Variants in CDH13 observed in about 807,000 individuals in gnomAD.
The protein encoded by CDH13 is cadherin 13, also known as cadherin-13.
A neutral mutation model predicts 63.8 loss-of-function variants in CDH13; 24 were observed. The observed-to-expected ratio is 0.38, with a 90% CI of 0.27 to 0.53. The LOEUF (loss-of-function observed/expected upper bound fraction) is 0.53. Ranked by LOEUF, CDH13 falls within the 20% of genes least tolerant of loss-of-function variation. The probability of loss-of-function intolerance (pLI) is 0.85; values close to 1 mark genes in which losing one functional copy is unlikely to be tolerated. For missense variants in CDH13, 1,049 were observed against 903.1 expected (o/e 1.16, Z -2.07); for synonymous variants, 503 against 355.3 (o/e 1.42, Z -4.67).
At chr16:83,738,220 C>G (rs566548676) in intron 10 of CDH13, among the ~76,000 whole-genome samples, 1 of 152,198 alleles carries the variant, frequency 6.6e-6, no homozygotes, top group African/African-American at 2.4e-5. Context: ...GTTCCAAAAA[C>G]TGGAGGGAAT....
At chr16:82,901,683 AAC>A (rs2041475560) in intron 2 of CDH13, among the ~76,000 whole-genome samples, 1 of 152,208 alleles carries the variant, frequency 6.6e-6, no homozygotes, top group Non-Finnish European at 1.5e-5. Context: ...ATAACTGATA[AAC>A]ACTTACAGGG....
chr16:83,109,537 A>T (rs2034958597), intron 3 of CDH13, among the ~76,000 whole-genome samples: 1 of 151,078 alleles, frequency 6.6e-6, no homozygotes, highest in Non-Finnish European at 1.5e-5. Context: ...ATTGAAAATA[A>T]TTCTTTTTCC....
chr16:83,670,385 G>A (rs996919931), intron 8 of CDH13, among the ~76,000 whole-genome samples: 7 of 130,708 alleles, frequency 5.4e-5, no homozygotes, highest in African/African-American at 2.4e-4. Flanking sequence ...TGGCCACCAG[G>A]TTGCTCCCCT....
chr16:82,657,200 T>C (rs1377645914), intron 1 of CDH13, among the ~76,000 whole-genome samples: 1 of 152,186 alleles, frequency 6.6e-6, no homozygotes, highest in Admixed American at 6.5e-5. Context: ...ATACCTGTGA[T>C]AAAGTTTAAT....
At chr16:83,694,340 A>G (rs1481049909) in intron 10 of CDH13, among the ~76,000 whole-genome samples, 2 of 152,132 alleles carry the variant, frequency 1.3e-5, no homozygotes, top group African/African-American at 4.8e-5. Flanking sequence ...GCAGTGGGAG[A>G]GAATGGGAGT....
At position 82,704,653 on chromosome 16, in the gene CDH13, C is replaced by T. The variant is rs191346916; in HGVS notation, c.45+77516C>T. Among the ~76,000 whole-genome samples the T allele has an allele frequency of 1.6e-3, 239 of 152,204 alleles. 1 individual carries two copies. The highest frequency in any genetic ancestry group is 4.1e-3 in the African/African-American group (170 of 41,514). ...GGGTCCTTTTCCTGGCCTGGGGGGT[C>T]CAGGAAGGTTTCCCAGAGGAAGAAG... On this transcript the variant is annotated intron_variant, in intron 1 of 13. Transcript: ENST00000567109.
At chr16:82,683,556 C>G (rs761722379) in intron 1 of CDH13, among the ~76,000 whole-genome samples, 1 of 152,180 alleles carries the variant, frequency 6.6e-6, no homozygotes, top group Admixed American at 6.5e-5. Context: ...GTCAAGCACA[C>G]AAATATAGTT....
Position 82,804,275 on chromosome 16 carries a change from C to G in CDH13, c.46-54087C>G, listed in dbSNP as rs538018583. Among the ~76,000 whole-genome samples, 572 of 80,540 alleles carry G rather than the reference C, an allele frequency of 7.1e-3. 7 individuals are homozygous for G. Among genetic ancestry groups the G allele is most frequent in the African/African-American group, 0.036 (539 of 14,998 alleles). The allele number at this position is 80,540 out of a possible 152,430, so 52.8% of individuals were successfully genotyped here. A position where few individuals can be genotyped will look rare whatever the true frequency, so the allele number is the denominator to read the frequency against. ...TTAGATCTCAGGTTAGGGGATCTTG[C>G]TACACACACACACACACACACACAC... On this transcript the variant is annotated intron_variant, in intron 1 of 13. Transcript: ENST00000567109.
intron 6 of CDH13, among the ~76,000 whole-genome samples, chr16:83,439,004 A>G (rs2151492743): frequency 6.6e-6 from 1 of 152,200 alleles, no homozygotes; most frequent in South Asian, 2.1e-4. Flanking sequence ...GGAAAGGGAG[A>G]AAAAAAAGAA....
rs1293369269 is a variant in CDH13, at chr16:83,636,687, T to C, written c.1101+34093T>C. 3.3e-5 allele frequency among the ~76,000 whole-genome samples: 5 copies of C among 152,328 alleles called. No individual in the cohort carries two copies. The East Asian group carries it at 9.7e-4, about 29-fold the overall frequency. ...GATGGGCACCTGGGTTTGTTGCATG[T>C]CTTTGCTGTTGTGTATAGTGCTGCA... On this transcript the variant is annotated intron_variant, in intron 8 of 13. Coordinates refer to ENST00000567109, the MANE Select transcript of CDH13 (RefSeq NM_001257.5).
chr16:82,995,390 C>T (rs990301868), intron 2 of CDH13, among the ~76,000 whole-genome samples: 3 of 152,202 alleles, frequency 2.0e-5, no homozygotes, highest in African/African-American at 7.2e-5. Flanking sequence ...GCACATTAAT[C>T]CATGCCTTTG....
chr16:83,458,120 C>T (rs1156610419), intron 6 of CDH13, among the ~76,000 whole-genome samples: 1 of 152,122 alleles, frequency 6.6e-6, no homozygotes, highest in Non-Finnish European at 1.5e-5. Context: ...TCCAAGAAAC[C>T]CCAGGGCTTT....
intron 5 of CDH13, among the ~76,000 whole-genome samples, chr16:83,260,195 T>A (rs999503652): frequency 7.9e-5 from 12 of 151,860 alleles, no homozygotes; most frequent in African/African-American, 2.9e-4. Flanking sequence ...TGGTGCTTTG[T>A]AGTTTCTCTT....
At chr16:83,308,738 G>A (rs1314890864) in intron 5 of CDH13, among the ~76,000 whole-genome samples, 2 of 152,210 alleles carry the variant, frequency 1.3e-5, no homozygotes, top group Non-Finnish European at 2.9e-5. Flanking sequence ...GTCTCCATAT[G>A]TGGGAAGTTC....
At chr16:83,216,795 T>C (rs1448614683) in intron 4 of CDH13, among the ~76,000 whole-genome samples, 4 of 150,586 alleles carry the variant, frequency 2.7e-5, no homozygotes, top group African/African-American at 9.7e-5. Context: ...GCCCCCTAAA[T>C]AGATGTGTGT....
In CDH13 at chr16:83,128,173, G is replaced by T. The variant is rs141293480; in HGVS notation, c.483+2672G>T. ...TGTCAGGGCTCCACCCTCAGAGATT[G>T]ATTCCACTGGGGTGGGGGTGAGGAC... On this transcript the variant is annotated intron_variant, in intron 4 of 13. Transcript: ENST00000567109. Among the ~76,000 whole-genome samples, 112 of 152,326 alleles carry T rather than the reference G, an allele frequency of 7.4e-4. 2 individuals carry two copies. In the East Asian group the frequency reaches 0.02, roughly 28 times the overall value.
At chr16:83,011,062 A>C (rs1914103058) in intron 2 of CDH13, among the ~76,000 whole-genome samples, 1 of 152,150 alleles carries the variant, frequency 6.6e-6, no homozygotes, top group Non-Finnish European at 1.5e-5. Context: ...ATGGTGTGGA[A>C]CGTTTCTTCT....
chr16:83,051,840 G>A (rs1036155734), intron 3 of CDH13, among the ~76,000 whole-genome samples: 2 of 152,194 alleles, frequency 1.3e-5, no homozygotes, highest in Non-Finnish European at 1.5e-5. Context: ...CGAAAACTTT[G>A]AGTCTGTTAC....
intron 11 of CDH13, among the ~76,000 whole-genome samples, chr16:83,755,368 T>C (rs1186482535): frequency 3.3e-5 from 5 of 152,018 alleles, no homozygotes; most frequent in Admixed American, 6.6e-5. Flanking sequence ...AGAGTGCTAA[T>C]GGAGCAGAAA....
Sources: gnomAD v4.1 joint callset for allele counts (sites outside exome capture counted in the v4.1 genomes callset) on GRCh38, gnomAD v4.1.1 for gene constraint, MANE v1.5 for transcripts, NCBI Gene and HGNC (gene_info 2026-07-23, HGNC 2026-07-21) for gene names.